AOAH: variants seen among roughly 807,000 people sequenced by gnomAD.
AOAH encodes the protein acyloxyacyl hydrolase (neutrophil).
Under a neutral mutation model 92.2 loss-of-function variants are expected in AOAH, and 64 were observed. The ratio of observed to expected loss-of-function variants is 0.69; its 90% CI spans 0.57 to 0.86. The LOEUF (loss-of-function observed/expected upper bound fraction) is 0.86, where lower values mean the gene tolerates loss of function less well. Among genes scored for constraint, AOAH ranks in the 40% least tolerant of loss-of-function variants. AOAH has a pLI of 0.00. For synonymous variants in AOAH, 263 were observed against 254.5 expected (o/e 1.03, Z -0.32); for missense variants, 656 against 694.6 (o/e 0.94, Z 0.62).
rs1161620447 is a variant in AOAH at position 36,525,067 on chromosome 7, TG to T, written c.1523-2953del. On this transcript the variant is annotated intron_variant, in intron 19 of 20. Transcript: ENST00000617537. ...AATAAGACATGAGGCAGAGTCCTCT[TG>T]TAATAAATAGATGCACAGCAAACCA... 3.3e-5 allele frequency among the ~76,000 whole-genome samples: 5 copies of T among 152,204 alleles called. No individual in the cohort carries two copies. The East Asian group carries it at 9.6e-4, about 29-fold the overall frequency.
At chr7:36,654,551 C>G (rs1794767679) in intron 4 of AOAH, among the ~76,000 whole-genome samples, 1 of 152,122 alleles carries the variant, frequency 6.6e-6, no homozygotes, top group Admixed American at 6.5e-5. Context: ...GAAGCCAGAT[C>G]TCTGTTGCTC....
chr7:36,637,776 G>T, intron 5 of AOAH, 75 bp downstream of exon 5: 2 of 1,367,140 alleles, frequency 1.5e-6, no homozygotes, highest in Non-Finnish European at 2.1e-6. Context: ...CCTTGCCTTT[G>T]GGATGTGAAA....
Position 36,678,579 on chromosome 7 carries a change from G to GTT in AOAH, c.224-4571_224-4570insAA, listed in dbSNP as rs1346234303. ...TGTGTGTGTGTGTGTGTGTGTGTGT[G>GTT]TGTGTGTGTGTGTGTGTGTGTGCGC... On this transcript the variant is annotated intron_variant, in intron 2 of 20. Coordinates refer to ENST00000617537, the MANE Select transcript of AOAH (RefSeq NM_001637.4). Among the ~76,000 whole-genome samples, 70 of 119,918 alleles carry GTT rather than the reference G, an allele frequency of 5.8e-4. 1 individual carries two copies. The highest frequency in any genetic ancestry group is 3.1e-3 in the African/African-American group (62 of 20,156). The allele number at this position is 119,918 out of a possible 152,430, so 78.7% of individuals were successfully genotyped here.
intron 20 of AOAH, among the ~76,000 whole-genome samples, chr7:36,515,527 C>CACCACACACAA (rs1491549348): frequency 1.0e-3 from 11 of 10,660 alleles, no homozygotes; most frequent in African/African-American, 1.8e-3. Flanking sequence ...ACCACACACA[C>CACCACACACAA]CACACCCTTC....
At chr7:36,641,073 C>T (rs987701946) in intron 4 of AOAH, among the ~76,000 whole-genome samples, 34 of 152,324 alleles carry the variant, frequency 2.2e-4, no homozygotes, top group Admixed American at 1.1e-3. Flanking sequence ...AATCCCTCTT[C>T]ACCCCTAGAA....
intron 4 of AOAH, among the ~76,000 whole-genome samples, chr7:36,654,138 C>CAA (rs1794742153): frequency 1.3e-5 from 2 of 151,490 alleles, no homozygotes; most frequent in Admixed American, 6.6e-5. Flanking sequence ...TACACACACA[C>CAA]ACACACAGCA....
At chr7:36,592,666 A>C (rs1157882636) in intron 12 of AOAH, among the ~76,000 whole-genome samples, 1 of 152,220 alleles carries the variant, frequency 6.6e-6, no homozygotes, top group African/African-American at 2.4e-5. Flanking sequence ...CAAGATTCTT[A>C]TTCTGTCTAT....
chr7:36,686,439 A>G (rs1330411755), intron 2 of AOAH, among the ~76,000 whole-genome samples: 1 of 152,222 alleles, frequency 6.6e-6, no homozygotes, highest in Non-Finnish European at 1.5e-5. Flanking sequence ...TCAAACAACA[A>G]TTGGCCATTC....
intron 11 of AOAH, among the ~76,000 whole-genome samples, chr7:36,610,180 A>AG (rs1331398327): frequency 6.7e-6 from 1 of 148,502 alleles, no homozygotes; most frequent in Non-Finnish European, 1.5e-5. Flanking sequence ...AAAAAAAAAA[A>AG]GAATCGGTTT....
chr7:36,705,837 G>T (rs1798366462), intron 1 of AOAH, among the ~76,000 whole-genome samples: 1 of 151,976 alleles, frequency 6.6e-6, no homozygotes, highest in Non-Finnish European at 1.5e-5. Flanking sequence ...CAGAACAGAG[G>T]CCTCAGAAAT....
chr7:36,606,523 T>C (rs139818722), intron 11 of AOAH, among the ~76,000 whole-genome samples: 2 of 152,274 alleles, frequency 1.3e-5, no homozygotes, highest in Admixed American at 6.5e-5. Context: ...GCTAGCAAAA[T>C]AAACATTTGG....
chr7:36,593,838 C>A (rs1789916115), intron 12 of AOAH, among the ~76,000 whole-genome samples: 1 of 152,150 alleles, frequency 6.6e-6, no homozygotes, highest in Non-Finnish European at 1.5e-5. Flanking sequence ...GGTGTCCCTG[C>A]CAAGTGTGGG....
At chr7:36,633,411 A>G (rs139248498) in intron 5 of AOAH, among the ~76,000 whole-genome samples, 2 of 152,292 alleles carry the variant, frequency 1.3e-5, no homozygotes, top group East Asian at 1.9e-4. Context: ...TCAGAGATGC[A>G]GAGTCTTGGG....
Position 36,654,152 on chromosome 7 carries a change from G to A in AOAH, c.390+5014C>T, listed in dbSNP as rs555981716. 2.3e-4 allele frequency among the ~76,000 whole-genome samples: 27 copies of A among 117,786 alleles called. 1 individual carries two copies. The highest frequency in any genetic ancestry group is 1.4e-3 in the Admixed American group (14 of 10,246). The allele number at this position is 117,786 out of a possible 152,430, so 77.3% of individuals were successfully genotyped here. On this transcript the variant is annotated intron_variant, in intron 4 of 20. Transcript: ENST00000617537. ...GTACACACACACACACACAGCAGCA[G>A]CAATCAATGCGCTGTTTCATGTGCA...
chr7:36,576,693 A>T, intron 12 of AOAH, 37 bp from the exon 13 acceptor site: 1 of 1,105,460 alleles, frequency 9.0e-7, no homozygotes, highest in Non-Finnish European at 1.3e-6. Flanking sequence ...TAAGGTCAGG[A>T]TACTCACATA....
intron 1 of AOAH, among the ~76,000 whole-genome samples, chr7:36,696,697 T>TA (rs1305591031): frequency 6.6e-6 from 1 of 151,826 alleles, no homozygotes; most frequent in African/African-American, 2.4e-5. Flanking sequence ...CCGTCTCTAC[T>TA]AAAAAAACAA....
chr7:36,591,830 G>A (rs1394784809), intron 12 of AOAH, among the ~76,000 whole-genome samples: 2 of 152,160 alleles, frequency 1.3e-5, no homozygotes, highest in East Asian at 3.9e-4. Flanking sequence ...TTTAGATTTA[G>A]GAAATACAGA....
chr7:36,595,481 C>T (rs572731471), intron 11 of AOAH, among the ~76,000 whole-genome samples: 1 of 152,256 alleles, frequency 6.6e-6, no homozygotes, highest in South Asian at 2.1e-4. Flanking sequence ...TGCAGTGAGC[C>T]ATGATCACAC....
rs758871679 is a variant in AOAH, at chr7:36,632,125, A to C, written c.451-19T>G. ...AATATTTCTGGGGAGAAAAAAAAAAACAAAAAGAGAGTTGTTTAGTTTAAG... is the reference window on the plus strand; with the variant it reads ...AATATTTCTGGGGAGAAAAAAAAAACCAAAAAGAGAGTTGTTTAGTTTAAG... On this transcript the variant is annotated intron_variant, in intron 5 of 20. Coordinates refer to ENST00000617537, the MANE Select transcript of AOAH (RefSeq NM_001637.4). The C allele has an allele frequency of 9.5e-6, 15 of 1,570,682 alleles. No individual in the cohort carries two copies. In the African/African-American group the frequency reaches 1.6e-4, roughly 17 times the overall value.
Sources: allele counts gnomAD v4.1 joint callset (sites outside exome capture counted in the v4.1 genomes callset), GRCh38; gene constraint gnomAD v4.1.1; transcripts MANE v1.5; gene names NCBI Gene and HGNC (gene_info 2026-07-23, HGNC 2026-07-21).